DLG2: variants seen among roughly 807,000 people sequenced by gnomAD.
The protein encoded by DLG2 is discs large MAGUK scaffold protein 2.
A neutral mutation model predicts 132.5 loss-of-function variants in DLG2; 45 were observed. The ratio of observed to expected loss-of-function variants is 0.34; its 90% CI spans 0.27 to 0.44. The LOEUF is 0.44. Among genes scored for constraint, DLG2 ranks in the 20% least tolerant of loss-of-function variants. The pLI is 1.00. For missense variants in DLG2, 1,045 were observed against 1,196.9 expected (o/e 0.87, Z 1.87); for synonymous variants, 424 against 419.6 (o/e 1.01, Z -0.13).
Position 85,398,512 on chromosome 11 carries a change from C to T in DLG2, c.41-113147G>A, listed in dbSNP as rs923203777. Among the ~76,000 whole-genome samples the T allele has an allele frequency of 1.3e-4, 20 of 151,980 alleles. No homozygotes were observed. The East Asian group carries it at 3.7e-3, about 28-fold the overall frequency. ...GGAGCTGGATTTTTGAAAATATCAACAAAATTGATAGACCACTAGCAGGAC... is the reference window on the plus strand; with the variant it reads ...GGAGCTGGATTTTTGAAAATATCAATAAAATTGATAGACCACTAGCAGGAC... On this transcript the variant is annotated intron_variant, in intron 3 of 27. Transcript: ENST00000376104.
At chr11:83,720,292 C>CAAAAAAAAAA in intron 18 of DLG2, among the ~76,000 whole-genome samples, 1 of 8,982 alleles carries the variant, frequency 1.1e-4, no homozygotes, top group East Asian at 0.011. Flanking sequence ...GACTCCATCT[C>CAAAAAAAAAA]AGAAAAAAAA....
intron 6 of DLG2, among the ~76,000 whole-genome samples, chr11:85,001,222 T>C (rs1248252857): frequency 6.6e-6 from 1 of 151,868 alleles, no homozygotes; most frequent in Non-Finnish European, 1.5e-5. Flanking sequence ...GCCTCTTGAG[T>C]AACTGGGACC....
At chr11:84,464,121 G>A (rs1341792948) in intron 7 of DLG2, among the ~76,000 whole-genome samples, 1 of 151,158 alleles carries the variant, frequency 6.6e-6, no homozygotes, top group Non-Finnish European at 1.5e-5. Context: ...TGACCGATTC[G>A]ACAGACATTA....
intron 6 of DLG2, among the ~76,000 whole-genome samples, chr11:84,922,643 T>C (rs545259943): frequency 3.9e-5 from 6 of 152,258 alleles, no homozygotes; most frequent in Admixed American, 3.9e-4. Flanking sequence ...CTAATGCCAT[T>C]ACAGTCACTA....
chr11:84,364,818 G>T (rs2098672030), intron 7 of DLG2, among the ~76,000 whole-genome samples: 1 of 152,104 alleles, frequency 6.6e-6, no homozygotes, highest in Non-Finnish European at 1.5e-5. Context: ...TACATTTATT[G>T]ATTTGTGTAT....
At chr11:85,160,587 G>A (rs754483702) in intron 4 of DLG2, among the ~76,000 whole-genome samples, 1 of 152,178 alleles carries the variant, frequency 6.6e-6, no homozygotes, top group Admixed American at 6.5e-5. Flanking sequence ...TAGTCACAGA[G>A]TGGGTCATGC....
chr11:84,526,928 G>A (rs1044376010), intron 7 of DLG2, among the ~76,000 whole-genome samples: 5 of 151,816 alleles, frequency 3.3e-5, no homozygotes, highest in Non-Finnish European at 7.4e-5. Flanking sequence ...ACAGGCATCC[G>A]CCACCACGCC....
chr11:84,401,661 G>T (rs1358196332), intron 7 of DLG2, among the ~76,000 whole-genome samples: 5 of 152,126 alleles, frequency 3.3e-5, no homozygotes, highest in African/African-American at 1.2e-4. Context: ...GAGTTATTCT[G>T]GGTGGTGACC....
intron 7 of DLG2, among the ~76,000 whole-genome samples, chr11:84,317,740 G>C (rs1049846212): frequency 2.6e-5 from 4 of 152,092 alleles, no homozygotes; most frequent in African/African-American, 7.2e-5. Context: ...GATTTGCCAA[G>C]ACACAGACCC....
In DLG2 at chr11:83,487,345, G is replaced by C. The variant is rs1366957372; in HGVS notation, c.2194-3117C>G. 2.6e-5 allele frequency among the ~76,000 whole-genome samples: 4 copies of C among 151,984 alleles called. No homozygotes were observed. The South Asian group carries it at 8.3e-4, about 32-fold the overall frequency. ...ACAATAACTAACAAACATTTATTGA[G>C]CACTTATGTGCCACATTTGGTTCCA... is the stretch of plus-strand genomic sequence containing the variant. On this transcript the variant is annotated intron_variant, in intron 21 of 27. Transcript: ENST00000376104.
intron 6 of DLG2, among the ~76,000 whole-genome samples, chr11:84,705,069 G>C (rs2059645163): frequency 1.3e-5 from 2 of 151,620 alleles, no homozygotes; most frequent in Admixed American, 1.3e-4. Context: ...CTTAGCAACA[G>C]TCTTTAGCAG....
At chr11:84,387,142 CCA>C (rs1387818062) in intron 7 of DLG2, among the ~76,000 whole-genome samples, 2 of 152,020 alleles carry the variant, frequency 1.3e-5, no homozygotes, top group Admixed American at 6.6e-5. Context: ...TCCCCCATCA[CCA>C]CACTGGGGCA....
chr11:85,012,909 T>A (rs1037040508), intron 6 of DLG2, among the ~76,000 whole-genome samples: 10 of 152,168 alleles, frequency 6.6e-5, no homozygotes, highest in African/African-American at 2.4e-4. Context: ...TTAGAGCCTG[T>A]GTCATCATTT....
At chr11:84,677,830 A>T (rs2099717710) in intron 6 of DLG2, among the ~76,000 whole-genome samples, 1 of 152,098 alleles carries the variant, frequency 6.6e-6, no homozygotes, top group Admixed American at 6.6e-5. Context: ...TTTCCATTGC[A>T]GTGAACTATG....
At chr11:83,494,490 T>G (rs1190781221) in intron 21 of DLG2, among the ~76,000 whole-genome samples, 1 of 151,570 alleles carries the variant, frequency 6.6e-6, no homozygotes, top group Admixed American at 6.6e-5. Context: ...TGACTCTACG[T>G]CCCACAAGAT....
intron 8 of DLG2, among the ~76,000 whole-genome samples, chr11:84,194,307 T>C (rs2096471446): frequency 6.6e-6 from 1 of 152,166 alleles, no homozygotes; most frequent in Admixed American, 6.5e-5. Context: ...ATGGTGCCTC[T>C]GGAGTTTGTT....
chr11:85,142,455 G>GT (rs2076557278), intron 5 of DLG2, among the ~76,000 whole-genome samples: 1 of 151,552 alleles, frequency 6.6e-6, no homozygotes, highest in Non-Finnish European at 1.5e-5. Flanking sequence ...TATTAGTATA[G>GT]TTTTTTGGTG....
chr11:85,171,359 C>G (rs1053670454), intron 4 of DLG2, among the ~76,000 whole-genome samples: 1 of 152,134 alleles, frequency 6.6e-6, no homozygotes, highest in Admixed American at 6.5e-5. Flanking sequence ...ATTATGCACC[C>G]TCATCTGGGA....
intron 10 of DLG2, among the ~76,000 whole-genome samples, chr11:84,072,539 A>G (rs2096773112): frequency 6.6e-6 from 1 of 152,210 alleles, no homozygotes; most frequent in Non-Finnish European, 1.5e-5. Flanking sequence ...GGAGCAACTG[A>G]GGCAGCTGAG....
Sources: allele counts gnomAD v4.1 joint callset (sites outside exome capture counted in the v4.1 genomes callset), GRCh38; gene constraint gnomAD v4.1.1; transcripts MANE v1.5; gene names NCBI Gene and HGNC (gene_info 2026-07-23, HGNC 2026-07-21).